DCDC2C: variants seen among roughly 807,000 people sequenced by gnomAD.
DCDC2C encodes the protein doublecortin domain-containing protein 2C.
DCDC2C carries 44 observed loss-of-function variants against 45.0 expected under a neutral mutation model. The observed-to-expected ratio is 0.98, with a 90% CI of 0.77 to 1.26. DCDC2C has a LOEUF of 1.26. DCDC2C is among the 50% of genes most tolerant of loss of function. DCDC2C has a pLI of 0.00. For synonymous variants in DCDC2C, 187 were observed against 178.8 expected (o/e 1.05, Z -0.37); for missense variants, 447 against 468.9 (o/e 0.95, Z 0.43).
chr2:3,822,639 A>T (rs1671722182), intron 10 of DCDC2C, among the ~76,000 whole-genome samples: 2 of 150,168 alleles, frequency 1.3e-5, no homozygotes, highest in Admixed American at 6.6e-5. Context: ...TCTAATCTTT[A>T]TTATTTTTTC....
At chr2:3,739,226 T>C (rs1374141532) in intron 3 of DCDC2C, among the ~76,000 whole-genome samples, 1 of 152,160 alleles carries the variant, frequency 6.6e-6, no homozygotes, top group Non-Finnish European at 1.5e-5. Flanking sequence ...CCCTCAGATA[T>C]AGAAGTGCTG....
intron 10 of DCDC2C, among the ~76,000 whole-genome samples, chr2:3,813,063 ATATATTTTTT>A (rs1348686252): frequency 5.4e-4 from 9 of 16,812 alleles, no homozygotes; most frequent in African/African-American, 2.1e-3. Flanking sequence ...ATATATATAT[ATATATTTTTT>A]TTTTTTTGCT....
At chr2:3,711,913 T>C (rs1668221613) in intron 2 of DCDC2C, among the ~76,000 whole-genome samples, 1 of 152,248 alleles carries the variant, frequency 6.6e-6, no homozygotes, top group Non-Finnish European at 1.5e-5. Context: ...GTCGTGGGGA[T>C]GGAGCAGTAT....
chr2:3,711,723 A>G (rs549700080), intron 2 of DCDC2C, among the ~76,000 whole-genome samples: 31 of 136,906 alleles, frequency 2.3e-4, no homozygotes, highest in African/African-American at 1.1e-3. Context: ...CAGTGATGTA[A>G]TGTAATGGAC....
At chr2:3,767,666 G>C in intron 6 of DCDC2C, 88 bp from the exon 7 acceptor site, 2 of 1,463,610 alleles carry the variant, frequency 1.4e-6, no homozygotes, top group Non-Finnish European at 1.8e-6. Flanking sequence ...AGGAACTTGT[G>C]TCTTCCTGAC....
At position 3,703,589 on chromosome 2, in the gene DCDC2C, CCCG is replaced by C; in HGVS notation, c.-162_-160del. 1.2e-5 allele frequency: 8 copies of C among 671,418 alleles called. No individual in the cohort carries two copies. The highest frequency in any genetic ancestry group is 1.6e-5 in the Non-Finnish European group (8 of 491,562). 41.6% of individuals were successfully genotyped at this position (671,418 alleles called of 1,614,324 possible). The stretch of plus-strand genomic sequence containing the variant: ...GCCCGCCTGGCAGCCCCGTCCCGTC[CCCG>C]TCCAGCCCCCGTCCCGTCCCCGTCC... On this transcript the variant is annotated 5_prime_UTR_variant, in exon 1 of 11. Coordinates refer to ENST00000399143, the MANE Select transcript of DCDC2C (RefSeq NM_001287444.2). The surrounding 1 kb of genome is among the most constrained non-coding windows in gnomAD (Gnocchi z 4.4).
At chr2:3,775,659 GGCTAGGCAGCTGTGGCTCTGA>G (rs1670310118) in intron 8 of DCDC2C, among the ~76,000 whole-genome samples, 1 of 51,198 alleles carries the variant, frequency 2.0e-5, no homozygotes. Context: ...TGTGGCTGTG[GGCTAGGCAGCTGTGGCTCTGA>G]GCTAGGCAGC....
chr2:3,720,671 C>G (rs1419866857), intron 2 of DCDC2C, among the ~76,000 whole-genome samples: 3 of 152,168 alleles, frequency 2.0e-5, no homozygotes, highest in Non-Finnish European at 4.4e-5. Flanking sequence ...GATGATTTCC[C>G]ATTTTTAGTT....
At chr2:3,778,932 G>C in intron 9 of DCDC2C, 48 bp downstream of exon 9, 1 of 1,513,470 alleles carries the variant, frequency 6.6e-7, no homozygotes, top group South Asian at 1.2e-5. Context: ...TAAGGCACCT[G>C]ACACTTTGAA....
intron 2 of DCDC2C, among the ~76,000 whole-genome samples, chr2:3,709,857 T>C (rs1462550179): frequency 6.6e-6 from 1 of 152,174 alleles, no homozygotes; most frequent in Non-Finnish European, 1.5e-5. Flanking sequence ...GGAGGAAATT[T>C]CAGACTATCT....
At chr2:3,736,211 C>T (rs912783621) in intron 3 of DCDC2C, among the ~76,000 whole-genome samples, 3 of 152,056 alleles carry the variant, frequency 2.0e-5, no homozygotes, top group Admixed American at 1.3e-4. Flanking sequence ...ATTCTAATAC[C>T]CCAATCCAGG....
At chr2:3,719,857 A>G (rs1228822420) in intron 2 of DCDC2C, among the ~76,000 whole-genome samples, 1 of 152,186 alleles carries the variant, frequency 6.6e-6, no homozygotes, top group African/African-American at 2.4e-5. Flanking sequence ...TGCTCCTTCA[A>G]ATCAGAGGCG....
chr2:3,731,165 G>C (rs957415604), intron 3 of DCDC2C, among the ~76,000 whole-genome samples: 2 of 152,144 alleles, frequency 1.3e-5, no homozygotes, highest in Non-Finnish European at 2.9e-5. Context: ...TAGTGTATCC[G>C]TCACCATAGG....
At chr2:3,767,602 C>A (rs1201559212) in intron 6 of DCDC2C, among the ~76,000 whole-genome samples, 152 bp from the exon 7 acceptor site, 1 of 152,188 alleles carries the variant, frequency 6.6e-6, no homozygotes, top group African/African-American at 2.4e-5. Flanking sequence ...GAAGAGGTTG[C>A]ATTCGAAGTG....
chr2:3,760,219 C>T (rs1406121343), intron 6 of DCDC2C, among the ~76,000 whole-genome samples: 1 of 152,232 alleles, frequency 6.6e-6, no homozygotes, highest in Non-Finnish European at 1.5e-5. Context: ...TCTCAGTTTC[C>T]ATTTTGAATA....
intron 4 of DCDC2C, among the ~76,000 whole-genome samples, chr2:3,745,122 A>T (rs1055833801): frequency 3.3e-5 from 5 of 151,574 alleles, no homozygotes; most frequent in African/African-American, 1.2e-4. Flanking sequence ...AGTACCTAGG[A>T]TTACAGACGC....
intron 7 of DCDC2C, among the ~76,000 whole-genome samples, chr2:3,768,562 C>T (rs1234535369): frequency 6.6e-6 from 1 of 152,150 alleles, no homozygotes; most frequent in Non-Finnish European, 1.5e-5. Context: ...ACCCTTCCTC[C>T]CCTCTTGGCT....
chr2:3,802,691 C>A (rs1048103268), intron 10 of DCDC2C, among the ~76,000 whole-genome samples: 16 of 152,250 alleles, frequency 1.1e-4, no homozygotes, highest in African/African-American at 3.4e-4. Context: ...GGCTGATCAC[C>A]TTCCAAAGGC....
intron 4 of DCDC2C, among the ~76,000 whole-genome samples, chr2:3,744,436 G>A (rs1348608806): frequency 2.0e-5 from 3 of 152,204 alleles, no homozygotes; most frequent in Non-Finnish European, 4.4e-5. Context: ...ATCCACCTGG[G>A]GATGCTTCTG....
Sources: gnomAD v4.1 joint callset for allele counts (sites outside exome capture counted in the v4.1 genomes callset) on GRCh38, gnomAD v4.1.1 for gene constraint, Gnocchi (gnomAD v3.1) non-coding constraint, MANE v1.5 for transcripts, NCBI Gene and HGNC (gene_info 2026-07-23, HGNC 2026-07-21) for gene names.